The following TADA2A variants were observed in gnomAD, a reference collection of about 807,000 sequenced individuals.
TADA2A encodes the protein transcriptional adapter 2-alpha.
A neutral mutation model predicts 67.4 loss-of-function variants in TADA2A; 38 were observed. The observed-to-expected ratio is 0.56, with a 90% CI of 0.44 to 0.74. The LOEUF is 0.74. Ranked by LOEUF, TADA2A falls within the 30% of genes least tolerant of loss-of-function variation. The pLI is 0.00. For missense variants in TADA2A, 454 were observed against 547.0 expected, an observed-to-expected ratio of 0.83 and a Z score of 1.70; for synonymous variants, 192 against 181.6, an observed-to-expected ratio of 1.06 and a Z score of -0.46.
chr17:37,451,754 C>T (rs1483732273), intron 8 of TADA2A, among the ~76,000 whole-genome samples: 2 of 152,174 alleles, frequency 1.3e-5, no homozygotes, highest in East Asian at 1.9e-4. Context: ...GAGGCCGAGA[C>T]GGGCAGATCA....
At chr17:37,408,020 G>C (rs2051681958) in intron 1 of TADA2A, 1 of 152,232 alleles carries the variant, frequency 6.6e-6, no homozygotes. Flanking sequence ...CCGAGTACCT[G>C]GGATTACAGG....
intron 5 of TADA2A, among the ~76,000 whole-genome samples, chr17:37,438,975 A>C (rs1445631941): frequency 1.3e-5 from 2 of 152,310 alleles, no homozygotes; most frequent in East Asian, 3.9e-4. Context: ...CAGGGGACTT[A>C]AAAATACAAG....
In TADA2A at chr17:37,477,747, AGC is replaced by A. The variant is rs2053918299; in HGVS notation, c.*766_*767del. On this transcript the variant is annotated 3_prime_UTR_variant, in exon 16 of 16. Transcript: ENST00000615182. ...CCAAAGTACTAGGATTACAGGCGTG[AGC>A]CATCGCGCCCGGCCTAAGCTGACAA... 1 of 152,118 alleles carries A rather than the reference AGC, an allele frequency of 6.6e-6. No homozygotes were observed. The highest frequency in any genetic ancestry group is 1.5e-5 in the Non-Finnish European group (1 of 68,052). 9.4% of individuals were successfully genotyped at this position (152,118 alleles called of 1,614,324 possible). A position where few individuals can be genotyped will look rare whatever the true frequency, so the allele number is the denominator to read the frequency against.
At chr17:37,447,260 C>G (rs1201979348) in intron 8 of TADA2A, among the ~76,000 whole-genome samples, 1 of 152,190 alleles carries the variant, frequency 6.6e-6, no homozygotes, top group African/African-American at 2.4e-5. Flanking sequence ...CTCCCAGGCT[C>G]AAGCGATTCT....
At chr17:37,406,978 GGGC>G (rs1374896607) in intron 1 of TADA2A, 29 bp downstream of exon 1, 1 of 146,818 alleles carries the variant, frequency 6.8e-6, no homozygotes, top group African/African-American at 2.5e-5. Context: ...CTGGGCGGGC[GGGC>G]GGGCGGGTGG....
At chr17:37,458,665 G>C (rs1050193339) in intron 9 of TADA2A, 78 bp downstream of exon 9, 68 of 1,212,940 alleles carry the variant, frequency 5.6e-5, no homozygotes, top group Middle Eastern at 2.6e-4. Flanking sequence ...GTGTGTGTGT[G>C]TGTGTGTGTC....
chr17:37,460,363 A>T (rs2053519393), intron 9 of TADA2A, among the ~76,000 whole-genome samples: 1 of 152,010 alleles, frequency 6.6e-6, no homozygotes, highest in Non-Finnish European at 1.5e-5. Context: ...ATCGTGCCTC[A>T]GCCTCCCAAG....
At chr17:37,428,480 G>C (rs940868702) in intron 4 of TADA2A, among the ~76,000 whole-genome samples, 20 of 152,192 alleles carry the variant, frequency 1.3e-4, no homozygotes, top group Non-Finnish European at 2.9e-4. Context: ...AAAGCCAGGA[G>C]CACAGGAAGT....
chr17:37,455,902 G>A (rs1253392405), intron 8 of TADA2A, among the ~76,000 whole-genome samples: 4 of 146,702 alleles, frequency 2.7e-5, no homozygotes, highest in Admixed American at 6.9e-5. Flanking sequence ...ATATGCGGGA[G>A]TGATAGGAAA....
chr17:37,426,588 G>C (rs930273860), intron 3 of TADA2A: 1 of 152,732 alleles, frequency 6.5e-6, no homozygotes, highest in African/African-American at 2.5e-5. Context: ...GAATCAACTT[G>C]AACCTGGGAG....
intron 2 of TADA2A, among the ~76,000 whole-genome samples, chr17:37,414,425 TC>T (rs990578798): frequency 6.6e-6 from 1 of 151,960 alleles, no homozygotes; most frequent in Non-Finnish European, 1.5e-5. Context: ...CATCCTGTAC[TC>T]CCCCCGCCCT....
At chr17:37,423,734 C>A (rs1248537802) in intron 3 of TADA2A, 119 bp downstream of exon 3, 1 of 730,348 alleles carries the variant, frequency 1.4e-6, no homozygotes, top group Non-Finnish European at 2.1e-6. Flanking sequence ...CTATTCCTTC[C>A]AATTTTTCTT....
intron 2 of TADA2A, among the ~76,000 whole-genome samples, chr17:37,423,080 A>G (rs988276641): frequency 6.6e-6 from 1 of 152,110 alleles, no homozygotes; most frequent in Non-Finnish European, 1.5e-5. Flanking sequence ...CTCTACAAAA[A>G]ATTAACCAGG....
chr17:37,453,195 A>G (rs1188534602), intron 8 of TADA2A, among the ~76,000 whole-genome samples: 1 of 152,204 alleles, frequency 6.6e-6, no homozygotes, highest in African/African-American at 2.4e-5. Context: ...AGAAAAGAAA[A>G]AGAGAGTATC....
rs1414541131 is a variant in TADA2A at position 37,474,424 on chromosome 17, G to A, written c.1073-132G>A. 5.3e-6 allele frequency: 4 copies of A among 755,918 alleles called. No homozygotes were observed. In the Admixed American group the frequency reaches 1.1e-4, roughly 21 times the overall value. The allele number at this position is 755,918 out of a possible 1,614,324, so 46.8% of individuals were successfully genotyped here. ...TAGCTAAACAGGCCTGAGGGAATGG[G>A]ACAGGATTTCCTAAGCTGGATATAG... On this transcript the variant is annotated intron_variant, in intron 14 of 15. Coordinates refer to ENST00000615182, the MANE Select transcript of TADA2A (RefSeq NM_001166105.3).
chr17:37,411,469 C>G, intron 2 of TADA2A, 79 bp downstream of exon 2: 1 of 1,387,206 alleles, frequency 7.2e-7, no homozygotes, highest in South Asian at 1.2e-5. Flanking sequence ...GTTGCCCAGG[C>G]TGGGGTACAG....
Position 37,437,853 on chromosome 17 carries a change from G to A in TADA2A, c.284+24G>A, listed in dbSNP as rs200431682. 15 of 1,603,656 alleles carry A rather than the reference G, an allele frequency of 9.4e-6. No homozygotes were observed. In the East Asian group the frequency reaches 3.3e-4, roughly 36 times the overall value. ...TGGTAAGAGCTTGGTGTTAAGAGTT[G>A]TCCTGCCCTAGTGGACTCAGAGAAG... On this transcript the variant is annotated intron_variant, in intron 5 of 15. Coordinates refer to ENST00000615182, the MANE Select transcript of TADA2A (RefSeq NM_001166105.3).
intron 3 of TADA2A, 110 bp downstream of exon 3, chr17:37,423,725 T>A: frequency 1.3e-6 from 1 of 769,458 alleles, no homozygotes; most frequent in Non-Finnish European, 2.0e-6. Flanking sequence ...TTATTAAATC[T>A]ATTCCTTCCA....
intron 1 of TADA2A, among the ~76,000 whole-genome samples, 157 bp from the exon 2 acceptor site, chr17:37,411,112 A>G (rs1362361828): frequency 2.0e-5 from 3 of 152,228 alleles, no homozygotes; most frequent in Non-Finnish European, 4.4e-5. Flanking sequence ...GCACTGTTAT[A>G]CCCACTACAG....
Sources: gnomAD v4.1 joint callset for allele counts (sites outside exome capture counted in the v4.1 genomes callset) on GRCh38, gnomAD v4.1.1 for gene constraint, MANE v1.5 for transcripts, NCBI Gene and HGNC (gene_info 2026-07-23, HGNC 2026-07-21) for gene names.